Variants in ACACA observed in about 807,000 individuals in gnomAD.
The protein encoded by ACACA is acetyl-CoA carboxylase alpha, also known as acetyl-CoA carboxylase 1.
A neutral mutation model predicts 296.1 loss-of-function variants in ACACA; 103 were observed. The observed-to-expected ratio is 0.35, with a 90% CI of 0.30 to 0.41. ACACA has a LOEUF of 0.41. Among genes scored for constraint, ACACA ranks in the 10% least tolerant of loss-of-function variants. ACACA has a pLI of 1.00. For synonymous variants in ACACA, 953 were observed against 1,038.6 expected (o/e 0.92, Z 1.58); for missense variants, 1,554 against 2,989.7 (o/e 0.52, Z 11.20).
intron 3 of ACACA, among the ~76,000 whole-genome samples, chr17:37,295,754 C>T (rs2083296508): frequency 6.6e-6 from 1 of 151,992 alleles, no homozygotes; most frequent in South Asian, 2.1e-4. Context: ...GAAACCCCAT[C>T]TCTACTAAAA....
rs1452553982 is a variant in ACACA, at chr17:37,115,710, G to A, written c.6275-2445C>T. On this transcript the variant is annotated intron_variant, in intron 50 of 55. Transcript: ENST00000616317. ...CTAGATTTCATAGTATATGCAAACA[G>A]TTTCAAATGAAGATGAGTGTGTGTG... Among the ~76,000 whole-genome samples the A allele has an allele frequency of 2.6e-5, 4 of 152,106 alleles. No homozygotes were observed. The East Asian group carries it at 5.8e-4, about 22-fold the overall frequency.
intron 2 of ACACA, among the ~76,000 whole-genome samples, chr17:37,333,418 G>A (rs2047975543): frequency 6.6e-6 from 1 of 152,108 alleles, no homozygotes; most frequent in African/African-American, 2.4e-5. Context: ...CCGCAAGGCA[G>A]GACCCTCCAT....
intron 3 of ACACA, among the ~76,000 whole-genome samples, chr17:37,304,224 CAG>C (rs1371828425): frequency 6.6e-6 from 1 of 151,914 alleles, no homozygotes; most frequent in Non-Finnish European, 1.5e-5. Flanking sequence ...TTTTTTGAGA[CAG>C]AGTCTTGCTC....
intron 2 of ACACA, 123 bp from the exon 3 acceptor site, chr17:37,330,548 A>G: frequency 8.1e-7 from 1 of 1,240,156 alleles, no homozygotes; most frequent in Admixed American, 1.9e-5. Context: ...TTGAGAACTA[A>G]CTTCCTTGGC....
intron 2 of ACACA, 30 bp downstream of exon 2, chr17:37,339,774 T>C (rs775509373): frequency 1.7e-5 from 22 of 1,327,640 alleles, no homozygotes; most frequent in Non-Finnish European, 2.3e-5. Flanking sequence ...TTTATCACAT[T>C]GTAAACAAGG....
At chr17:37,123,102 T>C (rs904726773) in intron 48 of ACACA, among the ~76,000 whole-genome samples, 1 of 152,182 alleles carries the variant, frequency 6.6e-6, no homozygotes, top group African/African-American at 2.4e-5. Context: ...CTATGGAATA[T>C]TAATAATGTG....
chr17:37,304,609 C>A (rs1272733011), intron 3 of ACACA, among the ~76,000 whole-genome samples: 1 of 152,082 alleles, frequency 6.6e-6, no homozygotes, highest in African/African-American at 2.4e-5. Flanking sequence ...GCCTGACCAA[C>A]GTGGAGAAAC....
intron 7 of ACACA, 28 bp from the exon 8 acceptor site, chr17:37,276,077 G>A (rs761374113): frequency 2.6e-6 from 4 of 1,551,878 alleles, no homozygotes; most frequent in Admixed American, 1.7e-5. Context: ...AAAGAATCCT[G>A]ACTGTAACAC....
chr17:37,284,031 G>C (rs926956718), intron 4 of ACACA, among the ~76,000 whole-genome samples: 1 of 152,110 alleles, frequency 6.6e-6, no homozygotes, highest in African/African-American at 2.4e-5. Context: ...CACATAATCT[G>C]TCTTTATTGG....
chr17:37,299,072 T>A (rs1352528245), intron 3 of ACACA, among the ~76,000 whole-genome samples: 1 of 152,140 alleles, frequency 6.6e-6, no homozygotes, highest in Non-Finnish European at 1.5e-5. Flanking sequence ...GGCTCAGGGA[T>A]CTTTTATTCA....
intron 3 of ACACA, among the ~76,000 whole-genome samples, chr17:37,297,799 C>T (rs946771096): frequency 6.6e-6 from 1 of 152,002 alleles, no homozygotes; most frequent in African/African-American, 2.4e-5. Context: ...GATCCACCCG[C>T]CTTGGCCTCG....
intron 1 of ACACA, among the ~76,000 whole-genome samples, chr17:37,373,539 C>A (rs1341802340): frequency 6.8e-6 from 1 of 147,726 alleles, no homozygotes; most frequent in Non-Finnish European, 1.5e-5. Context: ...AACTACCGTG[C>A]CTGGCCCAGG....
intron 1 of ACACA, among the ~76,000 whole-genome samples, chr17:37,390,330 A>ATATATATATATAATATATATATATATC (rs1386032855): frequency 2.4e-5 from 1 of 41,592 alleles, no homozygotes; most frequent in Non-Finnish European, 3.7e-5. Context: ...ATATATATAT[A>ATATATATATATAATATATATATATATC]TATAAAAGGC....
At chr17:37,321,251 C>T (rs924397266) in intron 3 of ACACA, among the ~76,000 whole-genome samples, 1 of 152,164 alleles carries the variant, frequency 6.6e-6, no homozygotes, top group African/African-American at 2.4e-5. Flanking sequence ...AAGTCAATCC[C>T]AGATCCTCCC....
intron 1 of ACACA, among the ~76,000 whole-genome samples, chr17:37,352,300 T>C (rs1281874668): frequency 1.3e-5 from 2 of 152,156 alleles, no homozygotes; most frequent in African/African-American, 4.8e-5. Context: ...TTTCAAACAT[T>C]ATCCTCTAGA....
chr17:37,335,079 G>A (rs1214084576), intron 2 of ACACA, among the ~76,000 whole-genome samples: 8 of 151,870 alleles, frequency 5.3e-5, no homozygotes, highest in Admixed American at 3.3e-4. Context: ...TCTCCCAACT[G>A]ACCTGGGTAC....
intron 52 of ACACA, among the ~76,000 whole-genome samples, chr17:37,100,643 A>AC (rs1301862574): frequency 1.3e-5 from 2 of 152,090 alleles, no homozygotes; most frequent in African/African-American, 4.8e-5. Context: ...AAAAAAAAAA[A>AC]AAAACTAAAA....
chr17:37,184,105 G>A (rs144934368), intron 39 of ACACA, among the ~76,000 whole-genome samples: 39 of 152,096 alleles, frequency 2.6e-4, no homozygotes, highest in African/African-American at 9.4e-4. Flanking sequence ...GCCCACCTCG[G>A]CCTCCCAAAG....
chr17:37,265,817 C>A (rs985629746), intron 10 of ACACA, among the ~76,000 whole-genome samples: 3 of 152,212 alleles, frequency 2.0e-5, no homozygotes, highest in Admixed American at 2.0e-4. Flanking sequence ...GGGCTCCTGA[C>A]TCCACTCTCT....
Sources: allele counts gnomAD v4.1 joint callset (sites outside exome capture counted in the v4.1 genomes callset), GRCh38; gene constraint gnomAD v4.1.1; transcripts MANE v1.5; gene names NCBI Gene and HGNC (gene_info 2026-07-23, HGNC 2026-07-21).